Variants in NOS1 observed in about 807,000 individuals in gnomAD.
NOS1 encodes nitric oxide synthase 1.
NOS1 carries 51 observed loss-of-function variants against 164.5 expected under a neutral mutation model. The observed-to-expected ratio is 0.31, with a 90% CI of 0.25 to 0.39. NOS1 has a LOEUF of 0.39. NOS1 is among the 10% of genes least tolerant of loss of function. The pLI, the probability that NOS1 is intolerant of heterozygous loss-of-function variation, is 1.00. For missense variants in NOS1, 1,362 were observed against 1,885.6 expected, an observed-to-expected ratio of 0.72 and a Z score of 5.14; for synonymous variants, 719 against 745.8, an observed-to-expected ratio of 0.96 and a Z score of 0.59.
At chr12:117,220,033 G>A (rs776051938) in intron 27 of NOS1, 42 bp downstream of exon 27, 5 of 1,554,404 alleles carry the variant, frequency 3.2e-6, no homozygotes, top group Non-Finnish European at 4.4e-6. Flanking sequence ...ATAGGAGAGT[G>A]GATGTAGGAA....
chr12:117,319,064 TTTATTA>T (rs530484699), intron 2 of NOS1, among the ~76,000 whole-genome samples: 27 of 152,088 alleles, frequency 1.8e-4, no homozygotes, highest in African/African-American at 6.5e-4. Flanking sequence ...AAAAGTATGC[TTTATTA>T]TTATTATTAT....
chr12:117,311,655 A>C, intron 2 of NOS1, 63 bp from the exon 3 acceptor site: 1 of 1,553,776 alleles, frequency 6.4e-7, no homozygotes, highest in Non-Finnish European at 8.7e-7. Flanking sequence ...GGTTGCTTTG[A>C]CCTGGAAGTC....
At position 117,291,448 on chromosome 12, in the gene NOS1, A is replaced by G. The variant is rs551180214; in HGVS notation, c.853-1022T>C. Among the ~76,000 whole-genome samples the G allele has an allele frequency of 8.2e-4, 123 of 150,522 alleles. 1 individual carries two copies. Among genetic ancestry groups the G allele is most frequent in the African/African-American group, 2.8e-3 (115 of 41,086 alleles). Reference sequence around the variant, plus strand: ...TCTTCACTCTGCAAATGATTTGGCCAGTAGGTGAGGGGGGATAAATCTCAG... The same window carrying G: ...TCTTCACTCTGCAAATGATTTGGCCGGTAGGTGAGGGGGGATAAATCTCAG... On this transcript the variant is annotated intron_variant, in intron 3 of 28. Coordinates refer to ENST00000317775, the MANE Select transcript of NOS1 (RefSeq NM_000620.5).
chr12:117,308,706 C>T (rs1488998573), intron 3 of NOS1, among the ~76,000 whole-genome samples: 1 of 151,754 alleles, frequency 6.6e-6, no homozygotes, highest in Non-Finnish European at 1.5e-5. Context: ...AAGCGATTCT[C>T]CTGCCTCAGC....
chr12:117,236,930 C>G (rs1869764698), intron 20 of NOS1, among the ~76,000 whole-genome samples: 1 of 152,062 alleles, frequency 6.6e-6, no homozygotes, highest in African/African-American at 2.4e-5. Flanking sequence ...CAAGGTGGGC[C>G]CAGGCTCTGG....
Position 117,209,997 on chromosome 12 carries a change from G to A in NOS1, c.*5312C>T. The A allele has an allele frequency of 1.0e-6, 1 of 984,612 alleles. No homozygotes were observed. Among genetic ancestry groups the A allele is most frequent in the Non-Finnish European group, 1.2e-6 (1 of 829,262 alleles). 61.0% of individuals were successfully genotyped at this position (984,612 alleles called of 1,614,324 possible). A position where few individuals can be genotyped will look rare whatever the true frequency, so the allele number is the denominator to read the frequency against. On this transcript the variant is annotated 3_prime_UTR_variant, in exon 29 of 29. Transcript: ENST00000317775. The stretch of plus-strand genomic sequence containing the variant: ...TTCATTTTAATTTTTTTTAGAGACA[G>A]GGTCTTGCTCTGTCACTCAGGCTGG...
At chr12:117,333,137 G>A (rs1035905025) in intron 1 of NOS1, among the ~76,000 whole-genome samples, 2 of 152,170 alleles carry the variant, frequency 1.3e-5, no homozygotes, top group African/African-American at 4.8e-5. Flanking sequence ...TGGGTAGGGT[G>A]GGAAGTAGCC....
chr12:117,264,926 A>C (rs1466754703), intron 12 of NOS1, among the ~76,000 whole-genome samples: 1 of 151,484 alleles, frequency 6.6e-6, no homozygotes, highest in Admixed American at 6.6e-5. Context: ...CTGGTCTCGA[A>C]CTCCTGACTC....
chr12:117,264,579 CCTT>C (rs1193605960), intron 12 of NOS1, among the ~76,000 whole-genome samples: 1 of 139,992 alleles, frequency 7.1e-6, no homozygotes, highest in Non-Finnish European at 1.6e-5. Flanking sequence ...TCCCTTCCTT[CCTT>C]CTTTTCCTTC....
rs1956558011 is a variant in NOS1, at chr12:117,213,492, ACCGG to A, written c.*1813_*1816del. 1.9e-5 allele frequency: 19 copies of A among 985,420 alleles called. No homozygotes were observed. The highest frequency in any genetic ancestry group is 2.3e-5 in the Non-Finnish European group (19 of 829,954). 61.0% of individuals were successfully genotyped at this position (985,420 alleles called of 1,614,324 possible). On this transcript the variant is annotated 3_prime_UTR_variant, in exon 29 of 29. Coordinates refer to ENST00000317775, the MANE Select transcript of NOS1 (RefSeq NM_000620.5). ...AAGCTCCATGTGGCAGGAACAGGAC[ACCGG>A]TGGGGGCTGCCAGGGATGGCAGAGC...
intron 16 of NOS1, among the ~76,000 whole-genome samples, chr12:117,257,607 CTTTTTTTTTT>C (rs151304592): frequency 1.8e-3 from 180 of 99,132 alleles, no homozygotes; most frequent in Non-Finnish European, 2.8e-3. Context: ...TTGATTTTAG[CTTTTTTTTTT>C]TTTTTTTTTT....
chr12:117,268,748 C>A (rs1872599647), intron 10 of NOS1, among the ~76,000 whole-genome samples: 1 of 151,524 alleles, frequency 6.6e-6, no homozygotes. Context: ...CGCCACCACG[C>A]CGGGCTAATT....
intron 18 of NOS1, among the ~76,000 whole-genome samples, chr12:117,245,220 TGAG>T (rs928900344): frequency 1.3e-5 from 2 of 152,162 alleles, no homozygotes; most frequent in Non-Finnish European, 1.5e-5. Context: ...CTGGGGTTGC[TGAG>T]GAGAATGTAT....
intron 7 of NOS1, among the ~76,000 whole-genome samples, chr12:117,281,402 C>A: frequency 6.6e-6 from 1 of 151,472 alleles, no homozygotes; most frequent in South Asian, 2.1e-4. Context: ...CGCCTGTAAT[C>A]CCAGCTACTT....
intron 24 of NOS1, 89 bp from the exon 25 acceptor site, chr12:117,225,226 C>A: frequency 6.7e-7 from 1 of 1,503,400 alleles, no homozygotes; most frequent in Non-Finnish European, 9.0e-7. Context: ...TGGCCATCTT[C>A]GGTAGACATA....
Position 117,227,555 on chromosome 12 carries a change from C to A in NOS1, c.3492G>T (p.Pro1164=), listed in dbSNP as rs375187265. 1 of 1,613,184 alleles carries A rather than the reference C, an allele frequency of 6.2e-7. No individual in the cohort carries two copies. The highest frequency in any genetic ancestry group is 8.5e-7 in the Non-Finnish European group (1 of 1,179,624). ...ACAGCTGGGTCAGGAGCAGGGTGGC[C>A]GGCATCTGGATAGATGGGAACTCCT... ...VLEEFPSIQM[P]ATLLLTQLSL... The change falls in exon 23 of 29, where the codon CCG becomes CCT. Residue 1164 remains proline, a synonymous_variant. Transcript: ENST00000317775.
intron 20 of NOS1, among the ~76,000 whole-genome samples, chr12:117,241,085 C>A (rs1220748335): frequency 1.3e-5 from 2 of 151,548 alleles, no homozygotes; most frequent in Non-Finnish European, 2.9e-5. Context: ...GATTATAGGC[C>A]CCCACAACCA....
At chr12:117,329,176 C>T (rs909955247) in intron 2 of NOS1, among the ~76,000 whole-genome samples, 3 of 152,180 alleles carry the variant, frequency 2.0e-5, no homozygotes, top group Admixed American at 6.5e-5. Flanking sequence ...CAGTCCTCCC[C>T]ACTATACTGT....
At chr12:117,233,264 C>T (rs1267882191) in intron 21 of NOS1, among the ~76,000 whole-genome samples, 1 of 151,340 alleles carries the variant, frequency 6.6e-6, no homozygotes, top group African/African-American at 2.4e-5. Flanking sequence ...GGCCAGGCTG[C>T]TCTCAAACTC....
Sources: allele counts gnomAD v4.1 joint callset (sites outside exome capture counted in the v4.1 genomes callset), GRCh38; gene constraint gnomAD v4.1.1; transcripts MANE v1.5; gene names NCBI Gene and HGNC (gene_info 2026-07-23, HGNC 2026-07-21).